The following RCL1 variants were observed in gnomAD, a reference collection of about 807,000 sequenced individuals.
The protein encoded by RCL1 is RNA terminal phosphate cyclase like 1.
In RCL1, 24 loss-of-function variants were observed where a neutral mutation model predicts 42.4. The ratio of observed to expected loss-of-function variants is 0.57; its 90% confidence interval spans 0.41 to 0.80. The LOEUF (loss-of-function observed/expected upper bound fraction) is 0.80, where lower values mean the gene tolerates loss of function less well. Ranked by LOEUF, RCL1 falls within the 30% of genes least tolerant of loss-of-function variation. The pLI, the probability that RCL1 is intolerant of heterozygous loss-of-function variation, is 0.00. For synonymous variants in RCL1, 228 were observed against 177.3 expected (o/e 1.29, Z -2.27); for missense variants, 578 against 467.9 (o/e 1.24, Z -2.17).
intron 4 of RCL1, among the ~76,000 whole-genome samples, 160 bp from the exon 5 acceptor site, chr9:4,833,981 A>G (rs1252403389): frequency 2.6e-5 from 4 of 152,214 alleles, no homozygotes; most frequent in Admixed American, 6.5e-5. Context: ...CTAGGAGCCA[A>G]CATAAGGTGC....
chr9:4,836,783 G>C (rs1817151856), intron 5 of RCL1: 1 of 152,418 alleles, frequency 6.6e-6, no homozygotes, highest in Non-Finnish European at 1.5e-5. Context: ...TGAAGGGCAG[G>C]GAGTAGGGTG....
chr9:4,830,579 A>G (rs1816911688), intron 3 of RCL1, among the ~76,000 whole-genome samples: 1 of 152,248 alleles, frequency 6.6e-6, no homozygotes, highest in Admixed American at 6.5e-5. Flanking sequence ...TGTTGGTGCC[A>G]ACAAGCTGCT....
rs138521115 is a variant in RCL1 at position 4,854,167 on chromosome 9, C to G, written c.971+4617C>G. The stretch of plus-strand genomic sequence containing the variant: ...CTCAGATAAAAAAGAGGTCACTGAC[C>G]TGCTTATGGTGAGATCCTGTCTGAA... On this transcript the variant is annotated intron_variant, in intron 8 of 8. Transcript: ENST00000381750. Among the ~76,000 whole-genome samples the G allele has an allele frequency of 1.5e-3, 222 of 152,254 alleles. 1 individual carries two copies. The highest frequency in any genetic ancestry group is 5.2e-3 in the African/African-American group (217 of 41,540).
intron 1 of RCL1, among the ~76,000 whole-genome samples, chr9:4,797,238 T>A (rs1842927412): frequency 6.6e-6 from 1 of 152,232 alleles, no homozygotes; most frequent in African/African-American, 2.4e-5. Context: ...CTTCAAAGTG[T>A]ACTGAACAGT....
intron 8 of RCL1, among the ~76,000 whole-genome samples, chr9:4,851,303 T>TAGAGATATTCTGCTGCCTCCCA (rs1191662054): frequency 1.4e-4 from 21 of 152,312 alleles, no homozygotes; most frequent in African/African-American, 4.8e-4. Flanking sequence ...GGCTGGGGCT[T>TAGAGATATTCTGCTGCCTCCCA]AGAGATATTC....
chr9:4,828,701 T>G (rs1056510879), intron 3 of RCL1, among the ~76,000 whole-genome samples: 2 of 152,134 alleles, frequency 1.3e-5, no homozygotes, highest in Non-Finnish European at 2.9e-5. Flanking sequence ...GTGTATCTGT[T>G]TTGTGCTTTT....
At chr9:4,800,935 T>A (rs1466082897) in intron 1 of RCL1, among the ~76,000 whole-genome samples, 3 of 152,144 alleles carry the variant, frequency 2.0e-5, no homozygotes, top group Non-Finnish European at 4.4e-5. Flanking sequence ...ATTACAGGCG[T>A]GAGCCACCAC....
chr9:4,846,682 C>G (rs558514197), intron 7 of RCL1, among the ~76,000 whole-genome samples: 1 of 152,252 alleles, frequency 6.6e-6, no homozygotes, highest in East Asian at 1.9e-4. Context: ...GGCCTTCTCT[C>G]TAACTATGGG....
intron 5 of RCL1, among the ~76,000 whole-genome samples, chr9:4,838,208 G>C (rs1563849394): frequency 6.6e-6 from 1 of 152,186 alleles, no homozygotes; most frequent in Non-Finnish European, 1.5e-5. Flanking sequence ...ACTCTCTTGT[G>C]TGCATTTGTG....
intron 1 of RCL1, among the ~76,000 whole-genome samples, chr9:4,795,147 G>A (rs1016979528): frequency 9.2e-5 from 14 of 151,750 alleles, no homozygotes; most frequent in Non-Finnish European, 1.9e-4. Context: ...GTGCGATCTC[G>A]GCTCACTGCA....
At chr9:4,819,981 A>C (rs1442591696) in intron 1 of RCL1, among the ~76,000 whole-genome samples, 1 of 152,188 alleles carries the variant, frequency 6.6e-6, no homozygotes, top group Non-Finnish European at 1.5e-5. Flanking sequence ...CCCATCCACA[A>C]AAAGAAATAT....
intron 1 of RCL1, among the ~76,000 whole-genome samples, chr9:4,821,767 A>G (rs1396424411): frequency 1.3e-5 from 2 of 152,100 alleles, no homozygotes; most frequent in African/African-American, 4.8e-5. Context: ...GATACACACC[A>G]TGGCACCCCT....
At chr9:4,813,127 T>C (rs895541157) in intron 1 of RCL1, among the ~76,000 whole-genome samples, 4 of 152,166 alleles carry the variant, frequency 2.6e-5, no homozygotes, top group African/African-American at 9.7e-5. Flanking sequence ...GGAGTGGTGA[T>C]AGTAGGCATC....
At chr9:4,797,960 A>G (rs1842940430) in intron 1 of RCL1, among the ~76,000 whole-genome samples, 1 of 152,210 alleles carries the variant, frequency 6.6e-6, no homozygotes, top group Non-Finnish European at 1.5e-5. Context: ...AACATGAACA[A>G]TTAAGTTTAT....
Position 4,860,193 on chromosome 9 carries a change from G to T in RCL1, c.1040G>T (p.Gly347Val), listed in dbSNP as rs1265465825. The T allele has an allele frequency of 1.2e-6, 2 of 1,612,592 alleles. No homozygotes were observed. Among genetic ancestry groups the T allele is most frequent in the Non-Finnish European group, 8.5e-7 (1 of 1,179,448 alleles). Reference sequence around the variant, plus strand: ...TTTAAAATTGAAACCAAGCCATGTGGTGAAGAACTCAAGGGTGGGGATAAA... The same window carrying T: ...TTTAAAATTGAAACCAAGCCATGTGTTGAAGAACTCAAGGGTGGGGATAAA... ...IMFKIETKPC[G>V]EELKGGDKVL... The change falls in exon 9 of 9, where the codon GGT (glycine) becomes GTT (valine). Residue 347 changes from glycine (G) to valine (V), a missense_variant. By Grantham distance (109) the Gly-to-Val change is moderately radical (BLOSUM62 -3). Transcript: ENST00000381750.
intron 1 of RCL1, among the ~76,000 whole-genome samples, chr9:4,797,814 A>C (rs778103257): frequency 5.9e-5 from 9 of 152,200 alleles, no homozygotes; most frequent in Non-Finnish European, 8.8e-5. Context: ...AAATCATTGA[A>C]TCTCTTAAAA....
chr9:4,831,136 C>G (rs1816928302), intron 3 of RCL1, among the ~76,000 whole-genome samples: 1 of 152,162 alleles, frequency 6.6e-6, no homozygotes, highest in Non-Finnish European at 1.5e-5. Flanking sequence ...TTTTCCTGCC[C>G]TTGTCCCACC....
intron 7 of RCL1, among the ~76,000 whole-genome samples, chr9:4,848,408 A>G (rs1298917792): frequency 1.3e-5 from 2 of 152,194 alleles, no homozygotes; most frequent in African/African-American, 4.8e-5. Flanking sequence ...GAGTGTCTGT[A>G]TCTGAAAATG....
At chr9:4,857,917 G>C (rs910630822) in intron 8 of RCL1, among the ~76,000 whole-genome samples, 2 of 131,982 alleles carry the variant, frequency 1.5e-5, no homozygotes, top group Non-Finnish European at 3.1e-5. Context: ...GGAAATATCC[G>C]TTTAGCTCTC....
Sources: gnomAD v4.1 joint callset for allele counts (sites outside exome capture counted in the v4.1 genomes callset) on GRCh38, gnomAD v4.1.1 for gene constraint, MANE v1.5 for transcripts, NCBI Gene and HGNC (gene_info 2026-07-23, HGNC 2026-07-21) for gene names.